NLRP13: variants seen among roughly 807,000 people sequenced by gnomAD.
NLRP13 encodes the protein NACHT, LRR and PYD domains-containing protein 13.
A neutral mutation model predicts 94.4 loss-of-function variants in NLRP13; 82 were observed. The observed-to-expected ratio is 0.87, with a 90% CI of 0.73 to 1.04. The LOEUF (loss-of-function observed/expected upper bound fraction) is 1.04. Ranked by LOEUF, NLRP13 falls within the 50% of genes least tolerant of loss-of-function variation. The pLI, the probability that NLRP13 is intolerant of heterozygous loss-of-function variation, is 0.00. For synonymous variants in NLRP13, 553 were observed against 464.7 expected (o/e 1.19, Z -2.45); for missense variants, 1,426 against 1,230.8 (o/e 1.16, Z -2.37).
At position 55,912,572 on chromosome 19, in the gene NLRP13, G is replaced by GT. The variant is rs1292632095; in HGVS notation, c.1244dup (p.Asn415LysfsTer60). Reference sequence around the variant, plus strand: ...CACTGCAGGAATGAAAGAGAGTTTCGTTTTTTCTTAGCTGCTGCAGGATTT... The same window carrying GT: ...CACTGCAGGAATGAAAGAGAGTTTCGTTTTTTTCTTAGCTGCTGCAGGATTT... On this transcript the variant is annotated frameshift_variant, in exon 5 of 11. Coordinates refer to ENST00000342929, the MANE Select transcript of NLRP13 (RefSeq NM_176810.2). LOFTEE classifies it high-confidence loss of function. The GT allele has an allele frequency of 2.5e-6, 4 of 1,614,032 alleles. No individual in the cohort carries two copies. The highest frequency in any genetic ancestry group is 3.4e-6 in the Non-Finnish European group (4 of 1,180,030).
At position 55,909,540 on chromosome 19, in the gene NLRP13, G is replaced by GAA. The variant is rs56165547; in HGVS notation, c.2282+1021_2282+1022dup. Among the ~76,000 whole-genome samples, 965 of 146,196 alleles carry GAA rather than the reference G, an allele frequency of 6.6e-3. 14 individuals carry two copies. Among genetic ancestry groups the GAA allele is most frequent in the African/African-American group, 0.019 (737 of 39,668 alleles). On this transcript the variant is annotated intron_variant, in intron 6 of 10. Transcript: ENST00000342929. ...ATAAATATTACCACTGGATCTCCAG[G>GAA]AAAAAAAAAAAAAGTCCTAATTTAT...
chr19:55,904,207 C>T (rs1986271095), intron 8 of NLRP13, among the ~76,000 whole-genome samples: 2 of 152,190 alleles, frequency 1.3e-5, no homozygotes, highest in African/African-American at 2.4e-5. Context: ...ATTCTCCTGC[C>T]TCTGCCTCCT....
intron 8 of NLRP13, among the ~76,000 whole-genome samples, chr19:55,903,868 G>C (rs11671352): frequency 0.28 from 41,911 of 151,948 alleles, 6,390 homozygotes; most frequent in East Asian, 0.45. Flanking sequence ...TGGTATTTTT[G>C]TCCGGACTGT....
Position 55,930,901 on chromosome 19 carries a change from A to ATATTT in NLRP13, c.319+1091_319+1092insAAATA, listed in dbSNP as rs1338071833. 5.1e-3 allele frequency among the ~76,000 whole-genome samples: 504 copies of ATATTT among 98,288 alleles called. 8 individuals carry two copies. The highest frequency in any genetic ancestry group is 7.5e-3 in the Non-Finnish European group (396 of 53,084). 64.5% of individuals were successfully genotyped at this position (98,288 alleles called of 152,430 possible). The stretch of plus-strand genomic sequence containing the variant: ...ATATATATATATATATATATATAAA[A>ATATTT]TTTTAACCAGAAGCTTAAACAGCAT... On this transcript the variant is annotated intron_variant, in intron 1 of 10. Transcript: ENST00000342929.
Position 55,912,573 on chromosome 19 carries a change from T to C in NLRP13, c.1244A>G (p.Asn415Ser). 1 of 1,614,146 alleles carries C rather than the reference T, an allele frequency of 6.2e-7. No individual in the cohort carries two copies. The highest frequency in any genetic ancestry group is 1.6e-4 in the Middle Eastern group (1 of 6,062). Residue 415 changes from asparagine (N) to serine (S), a missense_variant, in exon 5 of 11, where the codon AAC becomes AGC. Asn to Ser is a conservative substitution (Grantham distance 46). Coordinates refer to ENST00000342929, the MANE Select transcript of NLRP13 (RefSeq NM_176810.2). ...VEKILQQLRK[N>S]ETLFHSCSAP... ...ACTGCAGGAATGAAAGAGAGTTTCG[T>C]TTTTTCTTAGCTGCTGCAGGATTTT...
In NLRP13 at chr19:55,910,595, C is replaced by T. The variant is rs1454255745; in HGVS notation, c.2250G>A (p.Leu750=). ...ASSVKGLCLA[L]KNPRCKVQKL... ...TCTGGACTTTGCATCTTGGATTTTT[C>T]AGTGCAAGACAGAGACCCTTCACAG... The change falls in exon 6 of 11, where the codon CTG becomes CTA. Residue 750 remains leucine (L), a synonymous_variant. Transcript: ENST00000342929. 6.2e-7 allele frequency: 1 copy of T among 1,606,476 alleles called. No homozygotes were observed. The highest frequency in any genetic ancestry group is 8.5e-7 in the Non-Finnish European group (1 of 1,174,788).
chr19:55,928,973 A>G (rs1213762890), intron 1 of NLRP13, among the ~76,000 whole-genome samples: 2 of 152,236 alleles, frequency 1.3e-5, no homozygotes, highest in Non-Finnish European at 2.9e-5. Flanking sequence ...GGCGAAGTAT[A>G]TGAACAGACA....
intron 4 of NLRP13, among the ~76,000 whole-genome samples, chr19:55,913,768 CG>C (rs756500533): frequency 5.3e-5 from 8 of 151,678 alleles, no homozygotes; most frequent in Non-Finnish European, 1.0e-4. Flanking sequence ...TACTTTCAGG[CG>C]GGGGGAAGGC....
intron 4 of NLRP13, among the ~76,000 whole-genome samples, chr19:55,915,981 A>T (rs988264118): frequency 6.6e-6 from 1 of 152,218 alleles, no homozygotes; most frequent in African/African-American, 2.4e-5. Context: ...AGCTGCTAAC[A>T]CAAGTAAACA....
intron 8 of NLRP13, among the ~76,000 whole-genome samples, chr19:55,904,527 T>C (rs1288547217): frequency 6.6e-6 from 1 of 152,198 alleles, no homozygotes; most frequent in African/African-American, 2.4e-5. Context: ...ACCCCATCCC[T>C]GTCATTCTAC....
At chr19:55,892,071 T>A, downstream of NLRP13, 1 of 1,226,748 alleles carries the variant, frequency 8.2e-7, no homozygotes, top group Non-Finnish European at 1.0e-6. Flanking sequence ...GAGCTCCTTC[T>A]GTGAGGTCTG....
chr19:55,930,898 A>ACGT, intron 1 of NLRP13, among the ~76,000 whole-genome samples: 7 of 104,882 alleles, frequency 6.7e-5, no homozygotes, highest in South Asian at 2.9e-4. Context: ...ATATATATAT[A>ACGT]AAATTTTAAC....
intron 9 of NLRP13, among the ~76,000 whole-genome samples, chr19:55,900,775 T>TAAAAAAAA (rs3073241): frequency 1.8e-4 from 24 of 134,222 alleles, no homozygotes; most frequent in African/African-American, 5.9e-4. Flanking sequence ...GACTCCATCT[T>TAAAAAAAA]AAAAAAAAAA....
intron 8 of NLRP13, among the ~76,000 whole-genome samples, chr19:55,903,044 A>T (rs1986233234): frequency 6.6e-6 from 1 of 151,564 alleles, no homozygotes; most frequent in Admixed American, 6.6e-5. Flanking sequence ...TATGTATATG[A>T]TGTTACAATG....
Position 55,913,024 on chromosome 19 carries a change from C to T in NLRP13, c.793G>A (p.Val265Ile), listed in dbSNP as rs765838590. Residue 265 changes from valine (V) to isoleucine (I), a missense_variant, in exon 5 of 11, where the codon GTT becomes ATT. By Grantham distance (29) the Val-to-Ile change is conservative (BLOSUM62 3). Coordinates refer to ENST00000342929, the MANE Select transcript of NLRP13 (RefSeq NM_176810.2). Reference sequence around the variant, plus strand: ...ATTTTATGGCAGCTGAGATAGAAAACATAGGAGAACCTTTGCTGAAAGAGA... The same window carrying T: ...ATTTTATGGCAGCTGAGATAGAAAATATAGGAGAACCTTTGCTGAAAGAGA... Reference protein sequence around the residue: ...GVLFQQRFSYVFYLSCHKIRY... With the variant: ...GVLFQQRFSYIFYLSCHKIRY... The T allele has an allele frequency of 3.1e-6, 5 of 1,614,064 alleles. No individual in the cohort carries two copies. In the South Asian group the frequency reaches 4.4e-5, roughly 14 times the overall value.
chr19:55,910,035 T>C (rs960524466), intron 6 of NLRP13, among the ~76,000 whole-genome samples: 1 of 152,148 alleles, frequency 6.6e-6, no homozygotes, highest in African/African-American at 2.4e-5. Context: ...GGGTCCTATT[T>C]TGATGATTTT....
chr19:55,906,337 C>CAAAAAAAAAAAAAAAAAAAAAAAAAAA (rs71182931), intron 7 of NLRP13, among the ~76,000 whole-genome samples: 2 of 60,982 alleles, frequency 3.3e-5, no homozygotes, highest in African/African-American at 7.4e-5. Flanking sequence ...GACTCCATCT[C>CAAAAAAAAAAAAAAAAAAAAAAAAAAA]AAAAAAAAAA....
chr19:55,928,213 G>A (rs1030387069), intron 1 of NLRP13, among the ~76,000 whole-genome samples: 3 of 152,116 alleles, frequency 2.0e-5, no homozygotes, highest in East Asian at 1.9e-4. Flanking sequence ...GATGTGCCCC[G>A]CCTGGCCCTG....
chr19:55,899,502 C>T (rs1243898226), intron 9 of NLRP13, among the ~76,000 whole-genome samples: 2 of 152,000 alleles, frequency 1.3e-5, no homozygotes, highest in East Asian at 3.9e-4. Flanking sequence ...AAAGGTTTGG[C>T]CGGGCACGGT....
Sources: gnomAD v4.1 joint callset for allele counts (sites outside exome capture counted in the v4.1 genomes callset) on GRCh38, gnomAD v4.1.1 for gene constraint, MANE v1.5 for transcripts, NCBI Gene and HGNC (gene_info 2026-07-23, HGNC 2026-07-21) for gene names.